The following CDKN2B-AS1 variants were observed in gnomAD, a reference collection of about 807,000 sequenced individuals.
CDKN2B-AS1 encodes CDKN2B antisense RNA 1 (non-protein coding).
chr9:22,050,014 G>A (rs575189062), intron 3 of CDKN2B-AS1, among the ~76,000 whole-genome samples: 4 of 152,112 alleles, frequency 2.6e-5, no homozygotes, highest in Non-Finnish European at 4.4e-5. Context: ...CTCAAACCAA[G>A]GGGTGAATTT....
In CDKN2B-AS1 at chr9:22,005,111, C is replaced by CGTGTGT; in HGVS notation, n.29+9950_29+9951insGTGTGT. 1.3e-5 allele frequency: 2 copies of CGTGTGT among 159,562 alleles called. No homozygotes were observed. The highest frequency in any genetic ancestry group is 6.9e-4 in the South Asian group (2 of 2,908). The allele number at this position is 159,562 out of a possible 1,614,324, so 9.9% of individuals were successfully genotyped here. On this transcript the variant is annotated intron_variant and non_coding_transcript_variant, in intron 1 of 4. Coordinates refer to ENST00000650946, the Ensembl canonical transcript of CDKN2B-AS1. The surrounding 1 kb of genome is among the most constrained non-coding windows in gnomAD (Gnocchi z 4.9). Reference sequence around the variant, plus strand: ...TCATAAGGGGATTTCCGCATCCTAGCATGTGTGTGTGTGTGTGTGTGTGTG... The same window carrying CGTGTGT: ...TCATAAGGGGATTTCCGCATCCTAGCGTGTGTATGTGTGTGTGTGTGTGTGTGTGTG...
intron 4 of CDKN2B-AS1, among the ~76,000 whole-genome samples, chr9:22,090,640 C>T (rs1172033371): frequency 6.6e-6 from 1 of 152,140 alleles, no homozygotes; most frequent in East Asian, 1.9e-4. Flanking sequence ...TGAGAAGTGT[C>T]TGTTCATATC....
intron 3 of CDKN2B-AS1, among the ~76,000 whole-genome samples, chr9:22,052,693 C>T (rs1294181156): frequency 6.6e-6 from 1 of 152,192 alleles, no homozygotes; most frequent in Non-Finnish European, 1.5e-5. Context: ...CCACAAATCC[C>T]GCATTTGTTT....
At chr9:22,043,528 T>A (rs1822986051) in intron 1 of CDKN2B-AS1, among the ~76,000 whole-genome samples, 1 of 151,976 alleles carries the variant, frequency 6.6e-6, no homozygotes, top group African/African-American at 2.4e-5. Flanking sequence ...TCCTCAGGAA[T>A]TTATAATCTA....
rs1821203592 is a variant in CDKN2B-AS1 at position 22,006,643 on chromosome 9, C to T, written n.29+11482C>T. ...GTTTTAAATTATTTGCCTTGCTGACCCCTCCTCCATAATCCAGGTCTACAA... is the reference window on the plus strand; with the variant it reads ...GTTTTAAATTATTTGCCTTGCTGACTCCTCCTCCATAATCCAGGTCTACAA... On this transcript the variant is annotated intron_variant and non_coding_transcript_variant, in intron 1 of 4. Coordinates refer to ENST00000650946, the Ensembl canonical transcript of CDKN2B-AS1. The surrounding 1 kb of genome is among the most constrained non-coding windows in gnomAD (Gnocchi z 6.4). 1.3e-5 allele frequency among the ~76,000 whole-genome samples: 2 copies of T among 152,090 alleles called. No homozygotes were observed. The highest frequency in any genetic ancestry group is 2.9e-5 in the Non-Finnish European group (2 of 68,012).
At chr9:22,104,760 C>T (rs1825602227) in intron 4 of CDKN2B-AS1, among the ~76,000 whole-genome samples, 1 of 152,134 alleles carries the variant, frequency 6.6e-6, no homozygotes, top group Admixed American at 6.5e-5. Context: ...CATTGAAGAA[C>T]CACTGTTATT....
intron 4 of CDKN2B-AS1, among the ~76,000 whole-genome samples, chr9:22,067,579 G>A (rs1246574949): frequency 1.3e-5 from 2 of 152,016 alleles, no homozygotes; most frequent in Non-Finnish European, 2.9e-5. Context: ...CACACATGTA[G>A]CTACATGTCT....
At chr9:22,047,779 C>CA (rs1437548353) in intron 2 of CDKN2B-AS1, among the ~76,000 whole-genome samples, 1 of 150,634 alleles carries the variant, frequency 6.6e-6, no homozygotes, top group Non-Finnish European at 1.5e-5. Context: ...GATGAGAAAA[C>CA]TTTTTTTTTC....
At chr9:22,090,475 C>T (rs1303365875) in intron 4 of CDKN2B-AS1, among the ~76,000 whole-genome samples, 2 of 152,186 alleles carry the variant, frequency 1.3e-5, no homozygotes, top group Non-Finnish European at 2.9e-5. Flanking sequence ...TTCTCCACAT[C>T]CTCTCCAGCA....
intron 1 of CDKN2B-AS1, among the ~76,000 whole-genome samples, chr9:22,042,022 A>T (rs1217392046): frequency 6.6e-6 from 1 of 152,052 alleles, no homozygotes; most frequent in South Asian, 2.1e-4. Flanking sequence ...AGCCAAGTTT[A>T]CTATGTTTTA....
At chr9:22,007,276 C>T (rs767590399) in intron 1 of CDKN2B-AS1, among the ~76,000 whole-genome samples, 3 of 152,112 alleles carry the variant, frequency 2.0e-5, no homozygotes, top group Non-Finnish European at 2.9e-5. Context: ...GCAGGAGAAT[C>T]GCTTGCATCC....
intron 4 of CDKN2B-AS1, chr9:22,117,772 C>T (rs1015700235): frequency 6.6e-6 from 1 of 152,188 alleles, no homozygotes; most frequent in Admixed American, 6.5e-5. Context: ...AGGTTTTTAC[C>T]TCTCCCAGGC....
chr9:22,004,770 A>C (rs1235020846), intron 1 of CDKN2B-AS1: 1 of 233,082 alleles, frequency 4.3e-6, no homozygotes, highest in Non-Finnish European at 8.5e-6. Context: ...CTATCCCAAG[A>C]TAATTTACTG....
At chr9:21,998,962 A>G (rs1299386053) in intron 1 of CDKN2B-AS1, among the ~76,000 whole-genome samples, 2 of 152,222 alleles carry the variant, frequency 1.3e-5, no homozygotes, top group Non-Finnish European at 2.9e-5. Flanking sequence ...AATCCAGTAA[A>G]ACAACAATCC....
intron 1 of CDKN2B-AS1, among the ~76,000 whole-genome samples, chr9:22,014,155 A>ATTAT (rs975402290): frequency 2.0e-4 from 31 of 151,882 alleles, no homozygotes; most frequent in African/African-American, 5.6e-4. Context: ...GTCTTTTTAA[A>ATTAT]TTATTTATTT....
chr9:22,092,179 A>G (rs918137640), intron 4 of CDKN2B-AS1: 4 of 152,142 alleles, frequency 2.6e-5, no homozygotes, highest in Non-Finnish European at 5.9e-5. Context: ...AGCCCACTTG[A>G]TCATGGTGGA....
intron 1 of CDKN2B-AS1, among the ~76,000 whole-genome samples, chr9:22,046,076 T>C (rs1362683722): frequency 6.6e-6 from 1 of 152,106 alleles, no homozygotes; most frequent in Non-Finnish European, 1.5e-5. Flanking sequence ...TCAGCTTCTT[T>C]TCCTCCAAAT....
intron 1 of CDKN2B-AS1, among the ~76,000 whole-genome samples, chr9:22,029,184 A>G (rs577928901): frequency 6.6e-6 from 1 of 152,346 alleles, no homozygotes; most frequent in African/African-American, 2.4e-5. Context: ...AAAGGGTGAC[A>G]AAACCATTGG....
chr9:22,099,794 G>C (rs1825419778), intron 4 of CDKN2B-AS1, among the ~76,000 whole-genome samples: 1 of 152,096 alleles, frequency 6.6e-6, no homozygotes, highest in Non-Finnish European at 1.5e-5. Context: ...ACAAGTTGTG[G>C]AAAAAAGGTG....
Sources: gnomAD v4.1 joint callset for allele counts (sites outside exome capture counted in the v4.1 genomes callset) on GRCh38, gnomAD v4.1.1 for gene constraint, Gnocchi (gnomAD v3.1) non-coding constraint, MANE v1.5 for transcripts, NCBI Gene and HGNC (gene_info 2026-07-23, HGNC 2026-07-21) for gene names.